Variants in BCAR1 observed in about 807,000 individuals in gnomAD.
The protein encoded by BCAR1 is BCAR1 scaffold protein, Cas family member.
BCAR1 carries 30 observed loss-of-function variants against 67.6 expected under a neutral mutation model. The observed-to-expected ratio is 0.44, with a 90% CI of 0.33 to 0.60. BCAR1 has a LOEUF of 0.60. Ranked by LOEUF, BCAR1 falls within the 20% of genes least tolerant of loss-of-function variation. BCAR1 has a pLI of 0.02. For synonymous variants in BCAR1, 626 were observed against 556.7 expected (o/e 1.12, Z -1.75); for missense variants, 1,313 against 1,222.3 (o/e 1.07, Z -1.11).
At chr16:75,238,260 G>A in intron 2 of BCAR1, 1 of 1,164,696 alleles carries the variant, frequency 8.6e-7, no homozygotes, top group Non-Finnish European at 1.1e-6. Context: ...GGGAGGTCAA[G>A]GCCTCCCTGG....
intron 6 of BCAR1, 94 bp from the exon 7 acceptor site, chr16:75,230,117 A>C: frequency 7.0e-7 from 1 of 1,437,526 alleles, no homozygotes; most frequent in Non-Finnish European, 9.3e-7. Flanking sequence ...GCTTCTCTAA[A>C]AGGGCCGCTA....
intron 1 of BCAR1, among the ~76,000 whole-genome samples, chr16:75,257,050 G>T (rs552722634): frequency 8.5e-5 from 13 of 152,330 alleles, no homozygotes; most frequent in Admixed American, 4.6e-4. Flanking sequence ...CTGGCTGGAA[G>T]GGGGAAAGAG....
In BCAR1 at chr16:75,230,982, C is replaced by T. The variant is rs1246657611; in HGVS notation, c.2101-959G>A. ...GGTGAATCACTTGAGTCTGGGAAGT[C>T]CAGGCTGCAGTGAGCCCTGACAGAG... On this transcript the variant is annotated intron_variant, in intron 6 of 6. Coordinates refer to ENST00000162330, the MANE Select transcript of BCAR1 (RefSeq NM_014567.5). Among the ~76,000 whole-genome samples the T allele has an allele frequency of 4.0e-5, 6 of 151,392 alleles. No individual in the cohort carries two copies. In the South Asian group the frequency reaches 6.3e-4, roughly 16 times the overall value.
chr16:75,244,355 G>A lies in BCAR1; in HGVS notation c.13-1265C>T, dbSNP rs368509467. ...AGTGAAACAAGGAAGAAAGGGCCAC[G>A]CCCCCTTGGGCAGAAACAGGAAGCA... On this transcript the variant is annotated intron_variant, in intron 1 of 6. Coordinates refer to ENST00000162330, the MANE Select transcript of BCAR1 (RefSeq NM_014567.5). Among the ~76,000 whole-genome samples the A allele has an allele frequency of 5.3e-5, 8 of 152,366 alleles. No individual in the cohort carries two copies. The East Asian group carries it at 7.7e-4, about 15-fold the overall frequency.
At chr16:75,232,004 C>A (rs2076915923) in intron 6 of BCAR1, among the ~76,000 whole-genome samples, 1 of 152,026 alleles carries the variant, frequency 6.6e-6, no homozygotes. Flanking sequence ...GCCTCAGCCT[C>A]CCAAGTAGCT....
At chr16:75,267,598 C>T (rs2151489126) in intron 1 of BCAR1, among the ~76,000 whole-genome samples, 1 of 152,248 alleles carries the variant, frequency 6.6e-6, no homozygotes, top group Admixed American at 6.5e-5. Context: ...CCACCACCAC[C>T]CTGGCCCTCT....
chr16:75,251,825 G>A, upstream of BCAR1: 3 of 259,094 alleles, frequency 1.2e-5, no homozygotes, highest in Non-Finnish European at 1.5e-5. Flanking sequence ...CCAGGCCCCT[G>A]CCCGAGGCCA....
intron 2 of BCAR1, among the ~76,000 whole-genome samples, 182 bp downstream of exon 2, chr16:75,242,288 C>T (rs2151434236): frequency 6.6e-6 from 1 of 152,350 alleles, no homozygotes; most frequent in East Asian, 1.9e-4. Flanking sequence ...GGTCCATTCA[C>T]ATCCATCTTC....
At position 75,251,580 on chromosome 16, in the gene BCAR1, C is replaced by A; in HGVS notation, c.-98G>T. ...GGCTCCGAGCGCGCCGCAGCCGCCC[C>A]GGTGCCGCCGCGCAGCTGCCGCCTC... On this transcript the variant is annotated 5_prime_UTR_variant, in exon 1 of 7. Transcript: ENST00000162330. The A allele has an allele frequency of 9.4e-7, 1 of 1,061,900 alleles. No homozygotes were observed. Among genetic ancestry groups the A allele is most frequent in the South Asian group, 4.4e-5 (1 of 22,754 alleles). 65.8% of individuals were successfully genotyped at this position (1,061,900 alleles called of 1,614,324 possible).
chr16:75,267,420 G>A (rs781728892), intron 1 of BCAR1, among the ~76,000 whole-genome samples: 1 of 148,478 alleles, frequency 6.7e-6, no homozygotes, highest in East Asian at 1.9e-4. Flanking sequence ...GGCCTGGACC[G>A]ACAGCTGCCA....
intron 1 of BCAR1, chr16:75,248,439 A>G: frequency 2.0e-6 from 2 of 986,354 alleles, no homozygotes; most frequent in Non-Finnish European, 2.6e-6. Context: ...CCCAATAAGC[A>G]TGCGCCCAAC....
intron 4 of BCAR1, 45 bp downstream of exon 4, chr16:75,236,837 C>T: frequency 6.3e-7 from 1 of 1,598,252 alleles, no homozygotes; most frequent in Non-Finnish European, 8.5e-7. Context: ...CCCAGACACC[C>T]CACAGCCTCA....
At chr16:75,240,874 C>G (rs747162559) in intron 2 of BCAR1, among the ~76,000 whole-genome samples, 4 of 152,246 alleles carry the variant, frequency 2.6e-5, no homozygotes, top group African/African-American at 7.2e-5. Flanking sequence ...TGAGAGCAGG[C>G]CCCCTGCCGG....
At chr16:75,256,897 G>T (rs1418176985) in intron 1 of BCAR1, among the ~76,000 whole-genome samples, 1 of 152,202 alleles carries the variant, frequency 6.6e-6, no homozygotes, top group African/African-American at 2.4e-5. Flanking sequence ...TCCTGGACCA[G>T]CGGCACCCCT....
intron 4 of BCAR1, 100 bp from the exon 5 acceptor site, chr16:75,236,086 A>G: frequency 7.1e-7 from 1 of 1,417,326 alleles, no homozygotes; most frequent in African/African-American, 1.4e-5. Context: ...ACGTACACAC[A>G]TACAGACACA....
intron 5 of BCAR1, among the ~76,000 whole-genome samples, chr16:75,234,137 A>T (rs1347137219): frequency 1.3e-5 from 2 of 150,308 alleles, no homozygotes; most frequent in Non-Finnish European, 3.0e-5. Context: ...ACACACACAG[A>T]CTGGCACGTG....
rs199514074 is a variant in BCAR1 at position 75,235,760 on chromosome 16, C to A, written c.1139G>T (p.Arg380Leu). The A allele has an allele frequency of 1.1e-5, 17 of 1,592,344 alleles. No homozygotes were observed. The highest frequency in any genetic ancestry group is 1.5e-5 in the Non-Finnish European group (17 of 1,169,012). The change falls in exon 5 of 7, where the codon CGG (arginine) becomes CTG (leucine). Residue 380 changes from arginine to leucine, a missense_variant. By Grantham distance (102) the Arg-to-Leu change is moderately radical. Around this residue, in one of 2 missense-constraint regions of BCAR1, gnomAD observed 1,272 missense variants for 1,137.5 expected, o/e 1.12. Coordinates refer to ENST00000162330, the MANE Select transcript of BCAR1 (RefSeq NM_014567.5). ...DLYDVPPGLR[R>L]PGPGTLYDVP... ...ATCGTACAGGGTGCCCGGGCCAGGC[C>A]GCCGCAAGCCAGGGGGCACGTCGTA...
intron 2 of BCAR1, chr16:75,238,914 A>T: frequency 1.0e-6 from 1 of 985,330 alleles, no homozygotes; most frequent in Non-Finnish European, 1.2e-6. Flanking sequence ...ACCCAGCCTC[A>T]AGGCTCAGCC....
intron 4 of BCAR1, 155 bp from the exon 5 acceptor site, chr16:75,236,141 GAGGCACGCACAC>G (rs1009821181): frequency 2.1e-6 from 2 of 936,554 alleles, no homozygotes; most frequent in Non-Finnish European, 3.1e-6. Context: ...TACAAATGCA[GAGGCACGCACAC>G]AGGCACACAC....
Sources: allele counts gnomAD v4.1 joint callset (sites outside exome capture counted in the v4.1 genomes callset), GRCh38; gene constraint gnomAD v4.1.1; regional missense constraint gnomAD v4.1.1; transcripts MANE v1.5; gene names NCBI Gene and HGNC (gene_info 2026-07-23, HGNC 2026-07-21).